Variants in NAV3 observed in about 807,000 individuals in gnomAD.
NAV3 encodes pore membrane and/or filament interacting like protein 1.
In NAV3, 87 loss-of-function variants were observed where a neutral mutation model predicts 244.7. The observed-to-expected ratio is 0.36, with a 90% CI of 0.30 to 0.42. The LOEUF is 0.42. Among genes scored for constraint, NAV3 ranks in the 20% least tolerant of loss-of-function variants. The pLI is 1.00. For synonymous variants in NAV3, 1,126 were observed against 1,042.2 expected (o/e 1.08, Z -1.55); for missense variants, 2,663 against 2,893.3 (o/e 0.92, Z 1.83).
intron 9 of NAV3, among the ~76,000 whole-genome samples, chr12:78,042,484 G>A (rs1425886728): frequency 6.6e-6 from 1 of 152,176 alleles, no homozygotes; most frequent in East Asian, 1.9e-4. Flanking sequence ...GACTTCAAAA[G>A]CTATTGCTTC....
chr12:77,655,758 G>C (rs987409156), intron 2 of NAV3, among the ~76,000 whole-genome samples: 11 of 152,272 alleles, frequency 7.2e-5, no homozygotes, highest in Admixed American at 2.0e-4. Flanking sequence ...CAGCAGATCT[G>C]TTGGCAGAAA....
rs186967976 is a variant in NAV3, at chr12:77,755,098, C to T, written c.72+182832C>T. ...TTCTCAGTTAGTGATGAAGCTCAGCCTACAGGTGGACATTTTCATATACAT... is the reference window on the plus strand; with the variant it reads ...TTCTCAGTTAGTGATGAAGCTCAGCTTACAGGTGGACATTTTCATATACAT... On this transcript the variant is annotated intron_variant, in intron 2 of 8. Coordinates refer to the NAV3 transcript ENST00000550042. 2.3e-3 allele frequency among the ~76,000 whole-genome samples: 345 copies of T among 152,164 alleles called. 1 individual carries two copies. The highest frequency in any genetic ancestry group is 3.4e-3 in the Non-Finnish European group (234 of 67,998).
At chr12:77,799,015 C>T (rs1236156314) in intron 2 of NAV3, among the ~76,000 whole-genome samples, 1 of 152,166 alleles carries the variant, frequency 6.6e-6, no homozygotes, top group East Asian at 1.9e-4. Flanking sequence ...TGCAGTCAGC[C>T]GCTGGTCTCT....
At chr12:78,124,543 T>A (rs2611268) in intron 16 of NAV3, among the ~76,000 whole-genome samples, 93,043 of 151,986 alleles carry the variant, frequency 0.61, 28,766 homozygotes, top group Admixed American at 0.64. Flanking sequence ...GTCCTCTGCT[T>A]CCCGAGTTCA....
chr12:77,684,950 C>T lies in NAV3; in HGVS notation c.72+112684C>T, dbSNP rs568966408. Among the ~76,000 whole-genome samples, 6 of 152,200 alleles carry T rather than the reference C, an allele frequency of 3.9e-5. No homozygotes were observed. In the South Asian group the frequency reaches 8.3e-4, roughly 21 times the overall value. Reference sequence around the variant, plus strand: ...TTGAATTCCCTGTTGCTGACACCTTCGTCAGAATCATTACGGACTGTGTAA... The same window carrying T: ...TTGAATTCCCTGTTGCTGACACCTTTGTCAGAATCATTACGGACTGTGTAA... On this transcript the variant is annotated intron_variant, in intron 2 of 8. Coordinates refer to the NAV3 transcript ENST00000550042.
intron 13 of NAV3, among the ~76,000 whole-genome samples, chr12:78,117,308 CTATT>C (rs985345429): frequency 7.1e-6 from 1 of 141,342 alleles, no homozygotes; most frequent in African/African-American, 2.6e-5. Context: ...ATATAAATAT[CTATT>C]TATATAATAG....
chr12:77,773,037 A>G (rs1870172561), intron 2 of NAV3, among the ~76,000 whole-genome samples: 1 of 152,184 alleles, frequency 6.6e-6, no homozygotes, highest in Admixed American at 6.5e-5. Context: ...TTTTTTAATC[A>G]TCATAAATGA....
At chr12:77,639,689 G>A (rs1442751252) in intron 2 of NAV3, among the ~76,000 whole-genome samples, 1 of 152,164 alleles carries the variant, frequency 6.6e-6, no homozygotes, top group African/African-American at 2.4e-5. Context: ...AGGGAAGCTG[G>A]TGTAAGAACA....
At chr12:78,069,707 C>A (rs982127003) in intron 12 of NAV3, among the ~76,000 whole-genome samples, 32 of 151,984 alleles carry the variant, frequency 2.1e-4, no homozygotes, top group African/African-American at 7.7e-4. Flanking sequence ...CCTATCTGAT[C>A]TGGTTGTATG....
At chr12:78,087,014 TTA>T (rs899751208) in intron 12 of NAV3, among the ~76,000 whole-genome samples, 1 of 152,180 alleles carries the variant, frequency 6.6e-6, no homozygotes, top group South Asian at 2.1e-4. Flanking sequence ...TATTGCTCTT[TTA>T]TGTTATTTTT....
intron 5 of NAV3, 48 bp from the exon 6 acceptor site, chr12:77,994,755 T>G: frequency 1.4e-6 from 2 of 1,457,330 alleles, no homozygotes; most frequent in Middle Eastern, 3.5e-4. Context: ...TTTCCTTCCA[T>G]GTTCAAAGAA....
chr12:77,850,483 T>C (rs1877343039), intron 1 of NAV3, among the ~76,000 whole-genome samples: 1 of 152,234 alleles, frequency 6.6e-6, no homozygotes, highest in Non-Finnish European at 1.5e-5. Context: ...CTCAGTATTT[T>C]CTGTAACATA....
In NAV3 at chr12:77,781,941, A is replaced by C. The variant is rs555682193; in HGVS notation, c.73-158378A>C. Among the ~76,000 whole-genome samples the C allele has an allele frequency of 4.6e-5, 7 of 152,278 alleles. No homozygotes were observed. In the South Asian group the frequency reaches 1.5e-3, roughly 32 times the overall value. On this transcript the variant is annotated intron_variant, in intron 2 of 8. Transcript: ENST00000550042. ...CACTGCATCACTTTTGCTATGGTCT[A>C]TTGATTAGAAACAAGTCCCATGTCC...
intron 2 of NAV3, among the ~76,000 whole-genome samples, chr12:77,713,049 T>C (rs1876196178): frequency 6.6e-6 from 1 of 152,210 alleles, no homozygotes; most frequent in South Asian, 2.1e-4. Flanking sequence ...CCCAGACCTC[T>C]GCAGCTAGCA....
At position 77,703,670 on chromosome 12, in the gene NAV3, G is replaced by A. The variant is rs549482370; in HGVS notation, c.72+131404G>A. On this transcript the variant is annotated intron_variant, in intron 2 of 8. Transcript: ENST00000550042. ...ATGAGGGTTCAAATTCCCTCCCAAG[G>A]GAACCAGTCCAATTGGCCTGGCCAT... 5.3e-5 allele frequency among the ~76,000 whole-genome samples: 8 copies of A among 152,150 alleles called. No individual in the cohort carries two copies. In the East Asian group the frequency reaches 1.4e-3, roughly 26 times the overall value.
intron 8 of NAV3, among the ~76,000 whole-genome samples, chr12:78,014,097 GAAATA>G (rs1294017578): frequency 3.3e-5 from 5 of 151,932 alleles, no homozygotes; most frequent in Non-Finnish European, 5.9e-5. Flanking sequence ...AAGGACATGT[GAAATA>G]AAATAATATA....
At chr12:78,142,150 A>T (rs561161945) in intron 20 of NAV3, among the ~76,000 whole-genome samples, 1 of 152,248 alleles carries the variant, frequency 6.6e-6, no homozygotes, top group South Asian at 2.1e-4. Context: ...TCCTAAATGA[A>T]GAATGGGATA....
At chr12:77,787,659 A>AT (rs925784663) in intron 2 of NAV3, among the ~76,000 whole-genome samples, 1 of 152,184 alleles carries the variant, frequency 6.6e-6, no homozygotes, top group Non-Finnish European at 1.5e-5. Flanking sequence ...TGATTCAGTT[A>AT]TCTCCACCTG....
chr12:78,127,214 T>C lies in NAV3; in HGVS notation c.4280+6T>C. On this transcript the variant is annotated splice_donor_region_variant and intron_variant, in intron 17 of 39. Coordinates refer to ENST00000397909, the MANE Select transcript of NAV3 (RefSeq NM_001024383.2). ...CTACCCAAAAAGGGACTAAGGTATATATTCCTCTCAGCACAATTGCTACCT... is the reference window on the plus strand; with the variant it reads ...CTACCCAAAAAGGGACTAAGGTATACATTCCTCTCAGCACAATTGCTACCT... The C allele has an allele frequency of 6.2e-7, 1 of 1,613,030 alleles. No homozygotes were observed. The highest frequency in any genetic ancestry group is 8.5e-7 in the Non-Finnish European group (1 of 1,179,280).
Sources: allele counts gnomAD v4.1 joint callset (sites outside exome capture counted in the v4.1 genomes callset), GRCh38; gene constraint gnomAD v4.1.1; transcripts MANE v1.5; gene names NCBI Gene and HGNC (gene_info 2026-07-23, HGNC 2026-07-21).